Variants in SLC38A9 observed in about 807,000 individuals in gnomAD.
SLC38A9 encodes the protein solute carrier family 38 member 9, also known as neutral amino acid transporter 9.
Under a neutral mutation model 62.3 loss-of-function variants are expected in SLC38A9, and 48 were observed. The observed-to-expected ratio is 0.77, with a 90% CI of 0.61 to 0.98. SLC38A9 has a LOEUF of 0.98. SLC38A9 is among the 50% of genes least tolerant of loss of function. The pLI, the probability that SLC38A9 is intolerant of heterozygous loss-of-function variation, is 0.00. For synonymous variants in SLC38A9, 204 were observed against 227.7 expected, an observed-to-expected ratio of 0.90 and a Z score of 0.94; for missense variants, 541 against 679.8, an observed-to-expected ratio of 0.80 and a Z score of 2.27.
At chr5:55,665,419 C>T (rs1470660965) in intron 7 of SLC38A9, among the ~76,000 whole-genome samples, 9 of 151,424 alleles carry the variant, frequency 5.9e-5, no homozygotes, top group African/African-American at 1.9e-4. Flanking sequence ...CATAGTGGCG[C>T]GCCTGTAGTC....
At chr5:55,697,596 G>T (rs1756063722) in intron 3 of SLC38A9, among the ~76,000 whole-genome samples, 1 of 145,538 alleles carries the variant, frequency 6.9e-6, no homozygotes. Context: ...TTATATCAAT[G>T]TACCTTACTT....
intron 3 of SLC38A9, among the ~76,000 whole-genome samples, chr5:55,679,961 A>C (rs1752753922): frequency 6.6e-6 from 1 of 152,256 alleles, no homozygotes; most frequent in African/African-American, 2.4e-5. Context: ...TAATATTTTG[A>C]AATAAAGAGC....
intron 3 of SLC38A9, among the ~76,000 whole-genome samples, chr5:55,694,687 TTCCCTTC>T (rs1354186840): frequency 4.0e-5 from 6 of 151,038 alleles, no homozygotes; most frequent in Non-Finnish European, 7.4e-5. Context: ...CTTTTCCCTT[TTCCCTTC>T]CCTTCCCTTC....
chr5:55,652,867 G>GA (rs1747774137), intron 9 of SLC38A9, 144 bp from the exon 10 acceptor site: 2 of 554,734 alleles, frequency 3.6e-6, no homozygotes, highest in African/African-American at 3.7e-5. Flanking sequence ...CTCTTTTCTG[G>GA]AAAAAATAGA....
At chr5:55,694,344 T>C (rs901965956) in intron 3 of SLC38A9, 1 of 158,994 alleles carries the variant, frequency 6.3e-6, no homozygotes, top group African/African-American at 2.4e-5. Context: ...AGATGGGTCA[T>C]GTTCTTGTTA....
intron 2 of SLC38A9, among the ~76,000 whole-genome samples, chr5:55,707,958 A>G (rs946617560): frequency 5.9e-5 from 9 of 152,190 alleles, no homozygotes; most frequent in African/African-American, 1.9e-4. Flanking sequence ...CCATCTTGGA[A>G]GCAGAGACCG....
intron 3 of SLC38A9, among the ~76,000 whole-genome samples, chr5:55,688,403 A>G (rs1362134336): frequency 1.7e-5 from 2 of 117,882 alleles, no homozygotes; most frequent in African/African-American, 3.4e-5. Flanking sequence ...TTTTTTTAAG[A>G]CAGTCTCACT....
intron 12 of SLC38A9, among the ~76,000 whole-genome samples, chr5:55,641,058 T>G (rs887478343): frequency 2.6e-5 from 4 of 152,204 alleles, no homozygotes; most frequent in African/African-American, 9.6e-5. Context: ...CAGGCTGGTC[T>G]CGAACTCCCA....
intron 3 of SLC38A9, among the ~76,000 whole-genome samples, chr5:55,691,607 C>T (rs908661385): frequency 6.6e-6 from 1 of 152,212 alleles, no homozygotes; most frequent in Non-Finnish European, 1.5e-5. Context: ...GCAGCAACAT[C>T]AAGCAATACT....
intron 7 of SLC38A9, chr5:55,665,176 C>A: frequency 6.2e-6 from 1 of 161,460 alleles, no homozygotes; most frequent in Non-Finnish European, 1.3e-5. Flanking sequence ...TAATATTTGG[C>A]ATATTCAGAT....
At chr5:55,627,307 C>T (rs1742610664) in intron 15 of SLC38A9, among the ~76,000 whole-genome samples, 1 of 152,038 alleles carries the variant, frequency 6.6e-6, no homozygotes, top group African/African-American at 2.4e-5. Flanking sequence ...TCCTGCTGTC[C>T]ATAGTAAGAG....
At chr5:55,677,130 A>G (rs1439436820) in intron 3 of SLC38A9, among the ~76,000 whole-genome samples, 1 of 152,228 alleles carries the variant, frequency 6.6e-6, no homozygotes, top group Non-Finnish European at 1.5e-5. Flanking sequence ...TACTCCATGT[A>G]ATGCAAGTAT....
rs760543964 is a variant in SLC38A9 at position 55,626,463 on chromosome 5, G to C, written c.*31C>G. The C allele has an allele frequency of 6.3e-7, 1 of 1,577,060 alleles. No individual in the cohort carries two copies. The highest frequency in any genetic ancestry group is 8.7e-7 in the Non-Finnish European group (1 of 1,154,112). On this transcript the variant is annotated 3_prime_UTR_variant, in exon 16 of 16. Coordinates refer to ENST00000396865, the MANE Select transcript of SLC38A9 (RefSeq NM_173514.4). ...CTGTTGTCAAGGCTCAAAATATCATGAGAGCTCTTGAAAAAAACAGTTGAG... is the reference window on the plus strand; with the variant it reads ...CTGTTGTCAAGGCTCAAAATATCATCAGAGCTCTTGAAAAAAACAGTTGAG...
At position 55,661,361 on chromosome 5, in the gene SLC38A9, C is replaced by T. The variant is rs986235630; in HGVS notation, c.697+3332G>A. Among the ~76,000 whole-genome samples, 21 of 138,722 alleles carry T rather than the reference C, an allele frequency of 1.5e-4. 1 individual carries two copies. In the Admixed American group the frequency reaches 1.7e-3, roughly 11 times the overall value. 91.0% of individuals were successfully genotyped at this position (138,722 alleles called of 152,430 possible). ...TGGGGAGGCTGAGGCAGGAGAATGG[C>T]GTGAACCCAGCAGGCGGAGCTTGCA... On this transcript the variant is annotated intron_variant, in intron 8 of 15. Coordinates refer to ENST00000396865, the MANE Select transcript of SLC38A9 (RefSeq NM_173514.4).
chr5:55,633,881 T>A lies in SLC38A9; in HGVS notation c.1303A>T (p.Ser435Cys), dbSNP rs772192151. Residue 435 changes from serine (S) to cysteine (C), a missense_variant, in exon 14 of 16, where the codon AGC becomes TGC. Coordinates refer to ENST00000396865, the MANE Select transcript of SLC38A9 (RefSeq NM_173514.4). ...GCAATGAAGGACAGGGTGTCACTGCTAGGGAAGTTGTCTAAAAAATTCTAA... is the reference window on the plus strand; with the variant it reads ...GCAATGAAGGACAGGGTGTCACTGCAAGGGAAGTTGTCTAAAAAATTCTAA... Reference protein sequence around the residue: ...IEQNFLDNFPSSDTLSFIARI... With the variant: ...IEQNFLDNFPCSDTLSFIARI... 6.2e-7 allele frequency: 1 copy of A among 1,606,432 alleles called. No individual in the cohort carries two copies. The highest frequency in any genetic ancestry group is 8.5e-7 in the Non-Finnish European group (1 of 1,175,872).
intron 12 of SLC38A9, among the ~76,000 whole-genome samples, chr5:55,645,256 T>C (rs573201928): frequency 5.2e-4 from 79 of 152,258 alleles, no homozygotes; most frequent in Non-Finnish European, 1.1e-3. Context: ...GGTCTAACCA[T>C]GTTGCCCAGG....
At chr5:55,710,086 G>GAAAAAAAAAAAAAAAAAAAAAAAAAAAGA (rs11394301) in intron 2 of SLC38A9, among the ~76,000 whole-genome samples, 1 of 118,904 alleles carries the variant, frequency 8.4e-6, no homozygotes, top group African/African-American at 3.2e-5. Context: ...AAAAAAAAAA[G>GAAAAAAAAAAAAAAAAAAAAAAAAAAAGA]AAAAAAAAAA....
intron 3 of SLC38A9, among the ~76,000 whole-genome samples, chr5:55,691,836 G>C (rs1754792235): frequency 6.6e-6 from 1 of 152,126 alleles, no homozygotes; most frequent in African/African-American, 2.4e-5. Flanking sequence ...TGCATAGTTT[G>C]AAAAAGCCCC....
intron 2 of SLC38A9, among the ~76,000 whole-genome samples, chr5:55,705,159 A>G (rs1351660784): frequency 6.6e-6 from 1 of 152,182 alleles, no homozygotes; most frequent in Non-Finnish European, 1.5e-5. Flanking sequence ...GTATAAAGTG[A>G]GCAAACTCAG....
Sources: gnomAD v4.1 joint callset for allele counts (sites outside exome capture counted in the v4.1 genomes callset) on GRCh38, gnomAD v4.1.1 for gene constraint, MANE v1.5 for transcripts, NCBI Gene and HGNC (gene_info 2026-07-23, HGNC 2026-07-21) for gene names.